The following ABI1 variants were observed in gnomAD, a reference collection of about 807,000 sequenced individuals.
The protein encoded by ABI1 is Abelson interactor 1.
ABI1 carries 14 observed loss-of-function variants against 54.6 expected under a neutral mutation model. That is an observed-to-expected ratio of 0.26 (90% CI 0.17 to 0.40). ABI1 has a LOEUF of 0.40. ABI1 is among the 10% of genes least tolerant of loss of function. The pLI, the probability that ABI1 is intolerant of heterozygous loss-of-function variation, is 1.00. For synonymous variants in ABI1, 194 were observed against 209.3 expected, an observed-to-expected ratio of 0.93 and a Z score of 0.63; for missense variants, 443 against 598.3, an observed-to-expected ratio of 0.74 and a Z score of 2.71.
intron 3 of ABI1, among the ~76,000 whole-genome samples, chr10:26,775,778 T>G (rs549176559): frequency 4.4e-4 from 67 of 152,306 alleles, no homozygotes; most frequent in African/African-American, 1.6e-3. Flanking sequence ...GAAAAAATTT[T>G]TAATAAATAT....
intron 1 of ABI1, among the ~76,000 whole-genome samples, chr10:26,843,996 C>T (rs577667044): frequency 9.8e-5 from 15 of 152,296 alleles, no homozygotes; most frequent in African/African-American, 3.6e-4. Flanking sequence ...AGCAAAAGCA[C>T]AATTTCATCT....
chr10:26,777,329 C>T (rs1317702827), intron 2 of ABI1, 88 bp from the exon 3 acceptor site: 3 of 989,178 alleles, frequency 3.0e-6, no homozygotes, highest in South Asian at 3.5e-5. Flanking sequence ...TTAGGACAGA[C>T]CACAGGGCTG....
chr10:26,799,028 ATGT>A (rs146695635), intron 2 of ABI1, among the ~76,000 whole-genome samples: 56 of 152,312 alleles, frequency 3.7e-4, no homozygotes, highest in African/African-American at 1.3e-3. Flanking sequence ...ACACAAAATG[ATGT>A]TGTTTCATTT....
intron 2 of ABI1, among the ~76,000 whole-genome samples, chr10:26,785,250 ATTATAC>A (rs934619552): frequency 6.6e-6 from 1 of 152,240 alleles, no homozygotes; most frequent in African/African-American, 2.4e-5. Flanking sequence ...TTGGAAGGCA[ATTATAC>A]TTGAGTCTTT....
At chr10:26,823,453 C>G (rs2048115442) in intron 1 of ABI1, 148 bp from the exon 2 acceptor site, 1 of 672,254 alleles carries the variant, frequency 1.5e-6, no homozygotes. Context: ...CAGGATACTA[C>G]TGAATTAAGC....
At position 26,748,058 on chromosome 10, in the gene ABI1, C is replaced by T. The variant is rs891068024; in HGVS notation, c.*512G>A. 4.9e-6 allele frequency: 1 copy of T among 205,884 alleles called. No individual in the cohort carries two copies. The highest frequency in any genetic ancestry group is 9.9e-6 in the Non-Finnish European group (1 of 101,090). The allele number at this position is 205,884 out of a possible 1,614,324, so 12.8% of individuals were successfully genotyped here. ...ACGAGTCCTCCAGGTAAATATTACA[C>T]AAATGGGAAGCATCTTGAATTTTTA... On this transcript the variant is annotated 3_prime_UTR_variant, in exon 11 of 11. Transcript: ENST00000376140.
chr10:26,836,673 T>C (rs888097182), intron 1 of ABI1, among the ~76,000 whole-genome samples: 2 of 152,200 alleles, frequency 1.3e-5, no homozygotes, highest in Non-Finnish European at 2.9e-5. Flanking sequence ...AGGCTAATAG[T>C]ACCTCCCTAC....
intron 1 of ABI1, among the ~76,000 whole-genome samples, chr10:26,827,351 A>G (rs899715158): frequency 2.6e-5 from 4 of 151,784 alleles, no homozygotes; most frequent in African/African-American, 9.7e-5. Context: ...CCTCCCAAGC[A>G]GCTGGCACTA....
chr10:26,753,039 C>T (rs376267731), intron 9 of ABI1, among the ~76,000 whole-genome samples: 4 of 152,092 alleles, frequency 2.6e-5, no homozygotes, highest in African/African-American at 9.7e-5. Flanking sequence ...TAGGTTTAAA[C>T]GTTTAGTCTA....
rs560996442 is a variant in ABI1, at chr10:26,751,916, A to C, written c.1085-133T>G. On this transcript the variant is annotated intron_variant, in intron 9 of 10. Transcript: ENST00000376140. ...TAAAACATGCAATGATTAGAAATAAAAGCTTGGTGTGTTAAAGTTTATGCT... is the reference window on the plus strand; with the variant it reads ...TAAAACATGCAATGATTAGAAATAACAGCTTGGTGTGTTAAAGTTTATGCT... 6.0e-6 allele frequency: 5 copies of C among 832,006 alleles called. No individual in the cohort carries two copies. The Admixed American group carries it at 1.3e-4, about 22-fold the overall frequency. The allele number at this position is 832,006 out of a possible 1,614,324, so 51.5% of individuals were successfully genotyped here.
At chr10:26,828,773 T>C (rs2048470304) in intron 1 of ABI1, among the ~76,000 whole-genome samples, 1 of 152,236 alleles carries the variant, frequency 6.6e-6, no homozygotes, top group South Asian at 2.1e-4. Context: ...CTGGTGTTAA[T>C]ACTGAAATTA....
In ABI1 at chr10:26,773,552, A is replaced by C. The variant is rs554497283; in HGVS notation, c.463-2463T>G. On this transcript the variant is annotated intron_variant, in intron 3 of 10. Transcript: ENST00000376140. ...CTTAACTCACTCCTCTGCTTTATAA[A>C]ATAAAAATTAAAAAAAAATCTTCCT... Among the ~76,000 whole-genome samples the C allele has an allele frequency of 5.3e-5, 8 of 152,110 alleles. No homozygotes were observed. In the East Asian group the frequency reaches 1.5e-3, roughly 29 times the overall value.
chr10:26,844,771 C>G (rs1472563031), intron 1 of ABI1, among the ~76,000 whole-genome samples: 1 of 152,190 alleles, frequency 6.6e-6, no homozygotes, highest in African/African-American at 2.4e-5. Flanking sequence ...GTTAAATAAG[C>G]CTTCTTTGGG....
In ABI1 at chr10:26,797,020, C is replaced by T. The variant is rs528375079; in HGVS notation, c.286-19779G>A. 7.2e-4 allele frequency among the ~76,000 whole-genome samples: 110 copies of T among 152,226 alleles called. 1 individual carries two copies. The highest frequency in any genetic ancestry group is 2.5e-3 in the African/African-American group (102 of 41,530). On this transcript the variant is annotated intron_variant, in intron 2 of 10. Transcript: ENST00000376140. ...TCTGCTCACCTCCTGCTATGCAGCCCGGTTCCTGACAAGCCACGGACTAGT... is the reference window on the plus strand; with the variant it reads ...TCTGCTCACCTCCTGCTATGCAGCCTGGTTCCTGACAAGCCACGGACTAGT...
intron 1 of ABI1, among the ~76,000 whole-genome samples, chr10:26,823,726 T>C (rs1227205165): frequency 6.6e-6 from 1 of 152,158 alleles, no homozygotes; most frequent in Admixed American, 6.5e-5. Context: ...CCATCGGAAA[T>C]CCAACTTCCT....
chr10:26,834,755 T>TC (rs1319577849), intron 1 of ABI1, among the ~76,000 whole-genome samples: 3 of 151,988 alleles, frequency 2.0e-5, no homozygotes, highest in African/African-American at 4.8e-5. Flanking sequence ...TCACCTGAGG[T>TC]CAGGAGTTCG....
intron 2 of ABI1, among the ~76,000 whole-genome samples, chr10:26,793,334 C>T (rs918598017): frequency 2.2e-4 from 33 of 152,176 alleles, no homozygotes; most frequent in Non-Finnish European, 1.5e-5. Context: ...TTCTGTGTTA[C>T]AGATCTTTGT....
In ABI1 at chr10:26,823,409, TA is replaced by T. The variant is rs760593542; in HGVS notation, c.118-105del. 108 of 943,526 alleles carry T rather than the reference TA, an allele frequency of 1.1e-4. 2 individuals are homozygous for T. Among genetic ancestry groups the T allele is most frequent in the East Asian group, 1.1e-3 (33 of 30,200 alleles). The allele number at this position is 943,526 out of a possible 1,614,324, so 58.4% of individuals were successfully genotyped here. A position where few individuals can be genotyped will look rare whatever the true frequency, so the allele number is the denominator to read the frequency against. The stretch of plus-strand genomic sequence containing the variant: ...ATATTATTTTACTAGAGAAATTCAA[TA>T]AAAAAAAACTCACTGTACCAATATG... On this transcript the variant is annotated intron_variant, in intron 1 of 10. Transcript: ENST00000376140.
chr10:26,770,257 C>T lies in ABI1; in HGVS notation c.566G>A (p.Arg189Gln), dbSNP rs765819469. Reference sequence around the variant, plus strand: ...GTTGAATTCTTACCCCAGTGTTCCCCGGCCTGACATGGGAGGACTTGGCGG... The same window carrying T: ...GTTGAATTCTTACCCCAGTGTTCCCTGGCCTGACATGGGAGGACTTGGCGG... ...QKPPSPPMSG[R>Q]GTLGRNTPYK... Residue 189 changes from arginine to glutamine, a missense_variant, in exon 5 of 11, where the codon CGG (arginine) becomes CAG (glutamine). By Grantham distance (43) the Arg-to-Gln change is conservative (BLOSUM62 1). Around this residue, in one of 2 missense-constraint regions of ABI1, gnomAD observed 394 missense variants for 484.8 expected, o/e 0.81. Coordinates refer to ENST00000376140, the MANE Select transcript of ABI1 (RefSeq NM_001012750.3). 28 of 1,613,648 alleles carry T rather than the reference C, an allele frequency of 1.7e-5. No individual in the cohort carries two copies. Among genetic ancestry groups the T allele is most frequent in the East Asian group, 6.7e-5 (3 of 44,870 alleles).
Sources: gnomAD v4.1 joint callset for allele counts (sites outside exome capture counted in the v4.1 genomes callset) on GRCh38, gnomAD v4.1.1 for gene constraint, gnomAD v4.1.1 regional missense constraint, MANE v1.5 for transcripts, NCBI Gene and HGNC (gene_info 2026-07-23, HGNC 2026-07-21) for gene names.